The following LRBA variants were observed in gnomAD, a reference collection of about 807,000 sequenced individuals.
LRBA encodes the protein LPS responsive beige-like anchor protein.
A neutral mutation model predicts 330.0 loss-of-function variants in LRBA; 176 were observed. The observed-to-expected ratio is 0.53, with a 90% confidence interval of 0.47 to 0.60. The LOEUF is 0.60. Among genes scored for constraint, LRBA ranks in the 20% least tolerant of loss-of-function variants. LRBA has a pLI of 0.00. For synonymous variants in LRBA, 1,230 were observed against 1,193.0 expected, an observed-to-expected ratio of 1.03 and a Z score of -0.64; for missense variants, 3,259 against 3,444.8, an observed-to-expected ratio of 0.95 and a Z score of 1.35.
At chr4:150,306,833 T>C (rs775414414) in intron 52 of LRBA, among the ~76,000 whole-genome samples, 80 of 152,188 alleles carry the variant, frequency 5.3e-4, no homozygotes, top group Non-Finnish European at 8.8e-4. Flanking sequence ...CAAAGTGTGC[T>C]ACATTTAAAA....
chr4:150,979,474 C>G (rs1740592991), intron 2 of LRBA, among the ~76,000 whole-genome samples: 1 of 152,026 alleles, frequency 6.6e-6, no homozygotes, highest in Admixed American at 6.6e-5. Context: ...TAATTGGCAA[C>G]AGTAAGCATA....
At chr4:150,503,785 A>C (rs1271525413) in intron 40 of LRBA, among the ~76,000 whole-genome samples, 1 of 152,160 alleles carries the variant, frequency 6.6e-6, no homozygotes, top group Admixed American at 6.5e-5. Context: ...CAGATGATCA[A>C]ACTACGCTGA....
chr4:150,370,579 A>G (rs13111656), intron 47 of LRBA, among the ~76,000 whole-genome samples: 51,878 of 152,042 alleles, frequency 0.34, 9,117 homozygotes, highest in Middle Eastern at 0.4. Flanking sequence ...TTAGGACAGT[A>G]AAACTATTCT....
intron 36 of LRBA, among the ~76,000 whole-genome samples, chr4:150,724,045 G>A (rs556203198): frequency 1.4e-3 from 213 of 152,218 alleles, no homozygotes; most frequent in Non-Finnish European, 2.4e-3. Context: ...CAGTAGAATA[G>A]AATATCAGGA....
rs1773817731 is a variant in LRBA at position 150,599,015 on chromosome 4, A to G, written c.6038T>C (p.Val2013Ala). 2 of 1,614,020 alleles carry G rather than the reference A, an allele frequency of 1.2e-6. No individual in the cohort carries two copies. Among genetic ancestry groups the G allele is most frequent in the Non-Finnish European group, 1.7e-6 (2 of 1,179,930 alleles). ...THPEATLKTA[V>A]EHATDEDILA... Reference sequence around the variant, plus strand: ...ATGGTTTATACACTGACCATGTTCCACGGCTGTTTTTAGTGTCGCTTCAGG... The same window carrying G: ...ATGGTTTATACACTGACCATGTTCCGCGGCTGTTTTTAGTGTCGCTTCAGG... The change falls in exon 38 of 57, where the codon GTG (valine) becomes GCG (alanine). Residue 2013 changes from valine to alanine, a missense_variant. Coordinates refer to ENST00000651943, the MANE Select transcript of LRBA (RefSeq NM_001364905.1).
intron 47 of LRBA, among the ~76,000 whole-genome samples, chr4:150,396,627 T>G (rs1744772638): frequency 6.6e-6 from 1 of 152,190 alleles, no homozygotes; most frequent in South Asian, 2.1e-4. Flanking sequence ...GAAAATTCTT[T>G]TCAATCACTC....
At chr4:150,612,821 C>T (rs1488997440) in intron 37 of LRBA, among the ~76,000 whole-genome samples, 1 of 151,940 alleles carries the variant, frequency 6.6e-6, no homozygotes, top group East Asian at 1.9e-4. Flanking sequence ...ACATAAAATC[C>T]ACACCATAAG....
At chr4:150,603,427 C>T (rs541379507) in intron 37 of LRBA, among the ~76,000 whole-genome samples, 1 of 152,238 alleles carries the variant, frequency 6.6e-6, no homozygotes, top group South Asian at 2.1e-4. Flanking sequence ...TATACACACA[C>T]CTTTAATACA....
intron 20 of LRBA, among the ~76,000 whole-genome samples, chr4:150,868,512 T>G (rs1413131449): frequency 6.6e-6 from 1 of 152,192 alleles, no homozygotes; most frequent in Non-Finnish European, 1.5e-5. Flanking sequence ...GAAATTTCTT[T>G]CATGATTCAA....
At position 150,871,351 on chromosome 4, in the gene LRBA, C is replaced by G. The variant is rs367944803; in HGVS notation, c.2361G>C (p.Leu787=). ...NLITMTTYNV[L]FEILIEQIGT... ...ATCCTAAGTACATTCCTACCTCAAACAGCACATTATATGTGGTCATTGTGA... is the reference window on the plus strand; with the variant it reads ...ATCCTAAGTACATTCCTACCTCAAAGAGCACATTATATGTGGTCATTGTGA... The change falls in exon 19 of 57, where the codon CTG becomes CTC. Residue 787 remains leucine (L), a synonymous_variant. Transcript: ENST00000651943. 62 of 1,586,192 alleles carry G rather than the reference C, an allele frequency of 3.9e-5. No homozygotes were observed. Among genetic ancestry groups the G allele is most frequent in the Non-Finnish European group, 4.8e-5 (55 of 1,157,064 alleles).
intron 40 of LRBA, among the ~76,000 whole-genome samples, chr4:150,536,778 G>A (rs1458571263): frequency 6.6e-6 from 1 of 151,964 alleles, no homozygotes; most frequent in Non-Finnish European, 1.5e-5. Flanking sequence ...AAACAAATGA[G>A]GTGAAAGGTC....
intron 46 of LRBA, among the ~76,000 whole-genome samples, chr4:150,434,711 C>T (rs925294535): frequency 1.3e-5 from 2 of 152,056 alleles, no homozygotes; most frequent in African/African-American, 4.8e-5. Flanking sequence ...ATTAGCCTAG[C>T]GTGGTGGTAC....
intron 46 of LRBA, among the ~76,000 whole-genome samples, chr4:150,434,396 C>A (rs1039181738): frequency 1.3e-5 from 2 of 152,040 alleles, no homozygotes; most frequent in African/African-American, 4.8e-5. Context: ...CTTGTTTTTG[C>A]TTTATTAATA....
intron 42 of LRBA, among the ~76,000 whole-genome samples, chr4:150,481,779 T>C (rs549147924): frequency 6.6e-6 from 1 of 152,298 alleles, no homozygotes; most frequent in East Asian, 1.9e-4. Context: ...TTCTGAGTGG[T>C]ATTTCATTTA....
At chr4:151,004,724 G>A (rs1400055237) in intron 2 of LRBA, among the ~76,000 whole-genome samples, 1 of 152,118 alleles carries the variant, frequency 6.6e-6, no homozygotes, top group Non-Finnish European at 1.5e-5. Flanking sequence ...GGTGGCTCAC[G>A]CCTGTAATCC....
chr4:150,647,285 G>A (rs1193670924), intron 37 of LRBA, among the ~76,000 whole-genome samples: 2 of 147,024 alleles, frequency 1.4e-5, no homozygotes, highest in Non-Finnish European at 3.0e-5. Flanking sequence ...GTAGGAAAAT[G>A]CTTTATGACT....
At chr4:150,905,536 T>C (rs970835062) in intron 13 of LRBA, among the ~76,000 whole-genome samples, 1 of 152,076 alleles carries the variant, frequency 6.6e-6, no homozygotes, top group African/African-American at 2.4e-5. Flanking sequence ...CAAATAAAAC[T>C]TTATTTCATT....
chr4:150,806,590 A>G (rs1224172979), intron 32 of LRBA, among the ~76,000 whole-genome samples, 186 bp from the exon 33 acceptor site: 1 of 152,082 alleles, frequency 6.6e-6, no homozygotes, highest in Non-Finnish European at 1.5e-5. Context: ...ATCCTGATCT[A>G]TCTTGCCCCT....
At chr4:150,846,526 C>T (rs966834193) in intron 26 of LRBA, among the ~76,000 whole-genome samples, 24 of 145,876 alleles carry the variant, frequency 1.6e-4, no homozygotes, top group African/African-American at 6.0e-4. Context: ...AAGGCTCCAT[C>T]TCCAAAAAAA....
Sources: allele counts gnomAD v4.1 joint callset (sites outside exome capture counted in the v4.1 genomes callset), GRCh38; gene constraint gnomAD v4.1.1; transcripts MANE v1.5; gene names NCBI Gene and HGNC (gene_info 2026-07-23, HGNC 2026-07-21).